The following CYRIB variants were observed in gnomAD, a reference collection of about 807,000 sequenced individuals.
The protein encoded by CYRIB is CYFIP-related Rac1 interactor B.
A neutral mutation model predicts 44.2 loss-of-function variants in CYRIB; 8 were observed. That is an observed-to-expected ratio of 0.18 (90% confidence interval 0.11 to 0.33). The LOEUF (loss-of-function observed/expected upper bound fraction) is 0.33. Among genes scored for constraint, CYRIB ranks in the 10% least tolerant of loss-of-function variants. The pLI, the probability that CYRIB is intolerant of heterozygous loss-of-function variation, is 1.00. For synonymous variants in CYRIB, 131 were observed against 127.2 expected (o/e 1.03, Z -0.20); for missense variants, 185 against 382.8 (o/e 0.48, Z 4.31).
At chr8:129,863,981 C>T (rs2051751536) in intron 4 of CYRIB, among the ~76,000 whole-genome samples, 1 of 152,154 alleles carries the variant, frequency 6.6e-6, no homozygotes, top group Admixed American at 6.5e-5. Flanking sequence ...TCCCAAGGCA[C>T]TAGTATTCTG....
At chr8:129,980,881 G>A (rs562820888) in intron 1 of CYRIB, among the ~76,000 whole-genome samples, 2 of 151,962 alleles carry the variant, frequency 1.3e-5, no homozygotes, top group Admixed American at 6.6e-5. Flanking sequence ...CTACTCGGGA[G>A]GCTGAGGTGG....
At chr8:130,016,192 G>T (rs1466454304) in intron 1 of CYRIB, among the ~76,000 whole-genome samples, 178 bp downstream of exon 1, 1 of 146,810 alleles carries the variant, frequency 6.8e-6, no homozygotes, top group Non-Finnish European at 1.5e-5. Flanking sequence ...CACCACGGCG[G>T]CGCCCCCTGT....
intron 1 of CYRIB, among the ~76,000 whole-genome samples, chr8:129,928,324 G>GAAA (rs1184855913): frequency 3.8e-5 from 2 of 52,612 alleles, no homozygotes; most frequent in Non-Finnish European, 8.7e-5. Context: ...CATCTCTTAA[G>GAAA]AAAAAAAAAA....
At chr8:129,948,961 G>C (rs298603) in intron 2 of CYRIB, 31,263 of 152,138 alleles carry the variant, frequency 0.21, 3,343 homozygotes, top group African/African-American at 0.23. Context: ...TGTGGTCCCA[G>C]TTACTTGGGA....
At chr8:129,934,396 G>A (rs1276833345) in intron 1 of CYRIB, among the ~76,000 whole-genome samples, 1 of 152,030 alleles carries the variant, frequency 6.6e-6, no homozygotes, top group African/African-American at 2.4e-5. Flanking sequence ...ATGAAAAAGG[G>A]CTGGCATAAA....
At chr8:130,012,968 G>T (rs2097259895) in intron 1 of CYRIB, among the ~76,000 whole-genome samples, 3 of 152,128 alleles carry the variant, frequency 2.0e-5, no homozygotes, top group Non-Finnish European at 4.4e-5. Context: ...TCTTCAACAG[G>T]CCTTTATCAA....
intron 2 of CYRIB, among the ~76,000 whole-genome samples, chr8:129,948,299 C>A (rs1425504259): frequency 6.6e-6 from 1 of 152,200 alleles, no homozygotes; most frequent in Admixed American, 6.5e-5. Context: ...CCAAGCCCTA[C>A]CCTCGAGGAG....
At chr8:129,969,509 A>G (rs1053924601) in intron 2 of CYRIB, among the ~76,000 whole-genome samples, 9 of 152,214 alleles carry the variant, frequency 5.9e-5, no homozygotes, top group Non-Finnish European at 1.3e-4. Context: ...TGCCCACATT[A>G]AAATTGTATC....
chr8:129,869,514 T>C (rs1182587137), intron 4 of CYRIB, among the ~76,000 whole-genome samples: 1 of 152,082 alleles, frequency 6.6e-6, no homozygotes. Context: ...CAATTTAAAC[T>C]AATTTGTAGC....
chr8:129,898,170 A>C (rs1306914548), intron 2 of CYRIB, among the ~76,000 whole-genome samples: 1 of 151,962 alleles, frequency 6.6e-6, no homozygotes, highest in Non-Finnish European at 1.5e-5. Context: ...GGCAGTGGAA[A>C]CTTTTTTCCC....
exon 12 of CYRIB, chr8:129,842,089 A>G: frequency 7.7e-7 from 1 of 1,305,852 alleles, no homozygotes. Flanking sequence ...CTGCATTCTC[A>G]GTCATTGCAG....
chr8:129,943,086 A>ACCCCCCCCCCCCCCCCCCC (rs779721289), upstream of CYRIB, among the ~76,000 whole-genome samples: 81 of 101,650 alleles, frequency 8.0e-4, no homozygotes, highest in African/African-American at 1.6e-3. Flanking sequence ...TGCACCGCCC[A>ACCCCCCCCCCCCCCCCCCC]CCCGCCCCCC....
At chr8:129,891,233 A>G (rs552117942) in intron 2 of CYRIB, among the ~76,000 whole-genome samples, 2 of 152,222 alleles carry the variant, frequency 1.3e-5, no homozygotes, top group African/African-American at 4.8e-5. Context: ...TGTGGTTTCT[A>G]TTAATATCTA....
chr8:129,850,988 C>T (rs554637443), intron 8 of CYRIB, 74 bp from the exon 11 acceptor site: 60 of 992,100 alleles, frequency 6.0e-5, no homozygotes, highest in Non-Finnish European at 7.7e-5. Flanking sequence ...TAAAATTTAG[C>T]GTAATATGAA....
At chr8:129,949,106 G>A (rs1265924427) in intron 2 of CYRIB, 1 of 152,030 alleles carries the variant, frequency 6.6e-6, no homozygotes, top group Non-Finnish European at 1.5e-5. Flanking sequence ...TCTTAATTGT[G>A]TCTATAGTCA....
intron 2 of CYRIB, among the ~76,000 whole-genome samples, chr8:129,888,223 C>G (rs1318304655): frequency 2.0e-5 from 3 of 152,130 alleles, no homozygotes; most frequent in Non-Finnish European, 4.4e-5. Flanking sequence ...GGCACTTCCC[C>G]ATCTCTCTTC....
intron 1 of CYRIB, among the ~76,000 whole-genome samples, chr8:130,003,473 G>A (rs920036818): frequency 2.0e-5 from 3 of 152,170 alleles, no homozygotes; most frequent in African/African-American, 7.2e-5. Flanking sequence ...GCAGGGTCAG[G>A]GACACCTGTT....
intron 2 of CYRIB, among the ~76,000 whole-genome samples, chr8:129,895,160 T>C (rs2067389270): frequency 6.7e-6 from 1 of 148,996 alleles, no homozygotes; most frequent in South Asian, 2.1e-4. Context: ...GCAGGGGGAA[T>C]ACTGTTGTTG....
At chr8:129,964,218 G>A (rs1345114345) in intron 2 of CYRIB, among the ~76,000 whole-genome samples, 3 of 152,328 alleles carry the variant, frequency 2.0e-5, no homozygotes, top group South Asian at 4.1e-4. Context: ...CATACTCAAC[G>A]GGAAAGTTGT....
Sources: gnomAD v4.1 joint callset for allele counts (sites outside exome capture counted in the v4.1 genomes callset) on GRCh38, gnomAD v4.1.1 for gene constraint, MANE v1.5 for transcripts, NCBI Gene and HGNC (gene_info 2026-07-23, HGNC 2026-07-21) for gene names.